NDRG3: variants seen among roughly 807,000 people sequenced by gnomAD.
NDRG3 encodes the protein NDRG family member 3.
Under a neutral mutation model 57.2 loss-of-function variants are expected in NDRG3, and 23 were observed. That is an observed-to-expected ratio of 0.40 (90% CI 0.29 to 0.57). The LOEUF is 0.57. Ranked by LOEUF, NDRG3 falls within the 20% of genes least tolerant of loss-of-function variation. The pLI, the probability that NDRG3 is intolerant of heterozygous loss-of-function variation, is 0.42. For missense variants in NDRG3, 384 were observed against 457.3 expected (o/e 0.84, Z 1.46); for synonymous variants, 132 against 162.6 (o/e 0.81, Z 1.43).
At chr20:36,735,375 T>C (rs758896107) in intron 1 of NDRG3, among the ~76,000 whole-genome samples, 2 of 152,154 alleles carry the variant, frequency 1.3e-5, no homozygotes, top group Non-Finnish European at 2.9e-5. Flanking sequence ...TATTCCAAAA[T>C]TGGAAAAAAT....
chr20:36,666,146 T>C, intron 10 of NDRG3, 143 bp downstream of exon 10: 1 of 639,562 alleles, frequency 1.6e-6, no homozygotes, highest in East Asian at 2.8e-5. Context: ...TCTTTGTCCA[T>C]GTTTCTAGAA....
chr20:36,685,811 C>T (rs1045092186), intron 5 of NDRG3, among the ~76,000 whole-genome samples: 1 of 152,122 alleles, frequency 6.6e-6, no homozygotes, highest in Non-Finnish European at 1.5e-5. Context: ...GAGTTCGAGA[C>T]CAGCCTGAGC....
chr20:36,681,635 C>CA (rs1208145183), intron 7 of NDRG3, among the ~76,000 whole-genome samples: 5,894 of 79,344 alleles, frequency 0.074, 221 homozygotes, highest in African/African-American at 0.13. Context: ...GACTTCATCT[C>CA]AAAAAAAAAA....
At chr20:36,660,568 A>ATTTTT (rs937213463) in intron 12 of NDRG3, among the ~76,000 whole-genome samples, 184 bp from the exon 13 acceptor site, 20 of 145,216 alleles carry the variant, frequency 1.4e-4, no homozygotes, top group African/African-American at 5.2e-4. Flanking sequence ...TTATTTATTT[A>ATTTTT]TTTTTTTTTT....
At chr20:36,708,558 G>T (rs1162455605) in intron 2 of NDRG3, among the ~76,000 whole-genome samples, 1 of 145,074 alleles carries the variant, frequency 6.9e-6, no homozygotes, top group Non-Finnish European at 1.5e-5. Flanking sequence ...TGAGGCAAGA[G>T]AATCACTTGA....
intron 1 of NDRG3, among the ~76,000 whole-genome samples, chr20:36,739,519 A>T (rs1267259385): frequency 6.6e-6 from 1 of 150,490 alleles, no homozygotes; most frequent in Non-Finnish European, 1.5e-5. Context: ...AAAATATAGA[A>T]GCACTGGGCC....
Position 36,706,445 on chromosome 20 carries a change from C to A in NDRG3, c.93+527G>T, listed in dbSNP as rs80201556. Among the ~76,000 whole-genome samples the A allele has an allele frequency of 4.0e-3, 615 of 152,264 alleles. 7 individuals are homozygous for A. The highest frequency in any genetic ancestry group is 0.014 in the African/African-American group (581 of 41,548). ...AGAAACAGCTCTATTCAGTAACCTA[C>A]AATCATAAAACAGGTACCTGGCAGG... On this transcript the variant is annotated intron_variant, in intron 3 of 15. Coordinates refer to ENST00000349004, the MANE Select transcript of NDRG3 (RefSeq NM_032013.4).
intron 13 of NDRG3, among the ~76,000 whole-genome samples, chr20:36,659,666 T>C (rs1391273890): frequency 6.6e-6 from 1 of 152,000 alleles, no homozygotes; most frequent in Non-Finnish European, 1.5e-5. Context: ...AGTGGTGCAA[T>C]CTCAGCTCAC....
At chr20:36,701,570 G>A (rs1212364236) in intron 3 of NDRG3, among the ~76,000 whole-genome samples, 4 of 134,590 alleles carry the variant, frequency 3.0e-5, no homozygotes, top group African/African-American at 1.1e-4. Flanking sequence ...TTTTTGAGAT[G>A]GCGTTTTGCT....
At chr20:36,671,971 T>C (rs2148060428) in intron 8 of NDRG3, among the ~76,000 whole-genome samples, 1 of 152,316 alleles carries the variant, frequency 6.6e-6, no homozygotes, top group African/African-American at 2.4e-5. Context: ...CAATTCCTTC[T>C]TTGAAAGCCT....
chr20:36,682,432 T>TACTG (rs1981381806), intron 7 of NDRG3, 86 bp downstream of exon 7: 1 of 1,093,458 alleles, frequency 9.1e-7, no homozygotes, highest in Non-Finnish European at 1.4e-6. Flanking sequence ...AGGCCCAGAA[T>TACTG]ACTGCCTGGT....
chr20:36,710,854 C>T (rs1469592305), intron 2 of NDRG3, among the ~76,000 whole-genome samples: 1 of 148,272 alleles, frequency 6.7e-6, no homozygotes, highest in Non-Finnish European at 1.5e-5. Context: ...GTGGAGCGTG[C>T]CTGTAGTCCC....
In NDRG3 at chr20:36,660,851, C is replaced by T. The variant is rs536758610; in HGVS notation, c.811-467G>A. ...CTGGGATTACAGGCGTGAGCCACCGCGCCCGGCCCGGGAGATATATTTATA... is the reference window on the plus strand; with the variant it reads ...CTGGGATTACAGGCGTGAGCCACCGTGCCCGGCCCGGGAGATATATTTATA... On this transcript the variant is annotated intron_variant, in intron 12 of 15. Coordinates refer to ENST00000349004, the MANE Select transcript of NDRG3 (RefSeq NM_032013.4). Among the ~76,000 whole-genome samples, 7 of 152,242 alleles carry T rather than the reference C, an allele frequency of 4.6e-5. No homozygotes were observed. In the South Asian group the frequency reaches 1.2e-3, roughly 27 times the overall value.
At chr20:36,654,132 A>G (rs1000077093) in intron 15 of NDRG3, among the ~76,000 whole-genome samples, 1 of 152,330 alleles carries the variant, frequency 6.6e-6, no homozygotes, top group Non-Finnish European at 1.5e-5. Context: ...CGATACAACG[A>G]GACTACCATC....
chr20:36,668,512 T>G (rs1426165564), intron 9 of NDRG3: 1 of 152,222 alleles, frequency 6.6e-6, no homozygotes, highest in Non-Finnish European at 1.5e-5. Flanking sequence ...AATACAAGCA[T>G]TAACTTGCTT....
intron 3 of NDRG3, among the ~76,000 whole-genome samples, chr20:36,704,373 C>T (rs1420402798): frequency 1.3e-5 from 2 of 152,194 alleles, no homozygotes; most frequent in Admixed American, 1.3e-4. Flanking sequence ...CCGCACCCCA[C>T]TATATTCTAA....
intron 12 of NDRG3, 22 bp downstream of exon 12, chr20:36,665,024 C>T (rs1387437998): frequency 1.9e-6 from 3 of 1,611,926 alleles, no homozygotes; most frequent in South Asian, 1.1e-5. Flanking sequence ...CATTCATCTT[C>T]ACAGCATGAG....
intron 6 of NDRG3, 151 bp from the exon 7 acceptor site, chr20:36,682,729 C>T: frequency 1.5e-6 from 1 of 652,690 alleles, no homozygotes; most frequent in Non-Finnish European, 2.7e-6. Flanking sequence ...TTTCCCCTAA[C>T]TTTCTGAGCC....
At chr20:36,738,894 C>A (rs1047197481) in intron 1 of NDRG3, among the ~76,000 whole-genome samples, 1 of 144,238 alleles carries the variant, frequency 6.9e-6, no homozygotes, top group African/African-American at 2.6e-5. Flanking sequence ...GAGGCCGAGG[C>A]GGGTGGATCA....
Sources: allele counts gnomAD v4.1 joint callset (sites outside exome capture counted in the v4.1 genomes callset), GRCh38; gene constraint gnomAD v4.1.1; transcripts MANE v1.5; gene names NCBI Gene and HGNC (gene_info 2026-07-23, HGNC 2026-07-21).